Variants in TSC2 observed in about 807,000 individuals in gnomAD.
TSC2 encodes the protein tuberin.
Under a neutral mutation model 202.2 loss-of-function variants are expected in TSC2, and 29 were observed. The ratio of observed to expected loss-of-function variants is 0.14; its 90% CI spans 0.11 to 0.20. The LOEUF (loss-of-function observed/expected upper bound fraction) is 0.20, where lower values mean the gene tolerates loss of function less well. Ranked by LOEUF, TSC2 falls within the 10% of genes least tolerant of loss-of-function variation. The pLI is 1.00. For synonymous variants in TSC2, 1,349 were observed against 1,044.0 expected (o/e 1.29, Z -5.63); for missense variants, 2,429 against 2,420.0 (o/e 1.00, Z -0.08).
intron 4 of TSC2, chr16:2,054,054 C>A (rs368443882): frequency 3.4e-6 from 2 of 591,282 alleles, no homozygotes; most frequent in Admixed American, 5.9e-5. Context: ...CTGCGCCACC[C>A]GCTGTGCCAG....
chr16:2,086,073 C>G, intron 36 of TSC2, 120 bp from the exon 37 acceptor site: 1 of 1,191,552 alleles, frequency 8.4e-7, no homozygotes, highest in Non-Finnish European at 1.2e-6. Context: ...AATGGATGGT[C>G]TTGTCTGCCT....
In TSC2 at chr16:2,053,969, C is replaced by T. The variant is rs1360573782; in HGVS notation, c.337-327C>T. On this transcript the variant is annotated intron_variant, in intron 4 of 41. Transcript: ENST00000219476. ...GGGTTTCCCCCACTCAGGCCTTGTC[C>T]TCAGTCTCTGAGCACAAGGCTGTCT... 4 of 458,850 alleles carry T rather than the reference C, an allele frequency of 8.7e-6. No individual in the cohort carries two copies. The East Asian group carries it at 1.8e-4, about 20-fold the overall frequency. 28.4% of individuals were successfully genotyped at this position (458,850 alleles called of 1,614,324 possible). A position where few individuals can be genotyped will look rare whatever the true frequency, so the allele number is the denominator to read the frequency against.
chr16:2,048,034 G>A lies in TSC2; in HGVS notation c.-61G>A, dbSNP rs532385143. 1.5e-5 allele frequency: 22 copies of A among 1,433,686 alleles called. No homozygotes were observed. In the East Asian group the frequency reaches 4.6e-4, roughly 30 times the overall value. 88.8% of individuals were successfully genotyped at this position (1,433,686 alleles called of 1,614,324 possible). On this transcript the variant is annotated 5_prime_UTR_variant, in exon 1 of 42. Coordinates refer to ENST00000219476, the MANE Select transcript of TSC2 (RefSeq NM_000548.5). ...GGGGGGTGCGCCTTTCTCCGCGTCG[G>A]GGCGGCCCGGAGCGCGGTGGCGCGG...
chr16:2,072,314 T>C lies in TSC2; in HGVS notation c.2171T>C (p.Phe724Ser), dbSNP rs761458933. The C allele has an allele frequency of 1.9e-6, 3 of 1,614,012 alleles. No homozygotes were observed. In the Admixed American group the frequency reaches 5.0e-5, roughly 27 times the overall value. The change falls in exon 20 of 42, where the codon TTT (phenylalanine) becomes TCT (serine). Residue 724 changes from phenylalanine (F) to serine (S), a missense_variant. Transcript: ENST00000219476. ...TCCCTGCGCTATAAAGTGCTCATCTTTACTTCCCCTTGCAGTGTGGACCAG... is the reference window on the plus strand; with the variant it reads ...TCCCTGCGCTATAAAGTGCTCATCTCTACTTCCCCTTGCAGTGTGGACCAG... Reference protein sequence around the residue: ...PESLRYKVLIFTSPCSVDQLC... With the variant: ...PESLRYKVLISTSPCSVDQLC...
Position 2,079,706 on chromosome 16 carries a change from G to C in TSC2, c.3397+37G>C, listed in dbSNP as rs752242719. The C allele has an allele frequency of 6.5e-7, 1 of 1,541,342 alleles. No individual in the cohort carries two copies. The highest frequency in any genetic ancestry group is 8.8e-7 in the Non-Finnish European group (1 of 1,141,750). On this transcript the variant is annotated intron_variant, in intron 29 of 41. Transcript: ENST00000219476. This position sits in a 1 kb window ranked among gnomAD's most constrained non-coding sequence, Gnocchi z 4.6. The stretch of plus-strand genomic sequence containing the variant: ...CCCCAGCCACCTCCACACAGGCACC[G>C]GGGCTCCCTCAGTTGCTGCTGGTCC...
chr16:2,088,376 G>GGGGCGGGTGTGTGGGCA (rs1567132953), intron 41 of TSC2, 51 bp downstream of exon 41: 9 of 1,612,312 alleles, frequency 5.6e-6, no homozygotes, highest in Non-Finnish European at 7.6e-6. Context: ...CCCAAGCTGT[G>GGGGCGGGTGTGTGGGCA]GGGCGGGTGT....
intron 17 of TSC2, 67 bp downstream of exon 17, chr16:2,070,645 G>C (rs1005623265): frequency 6.8e-6 from 11 of 1,608,714 alleles, no homozygotes; most frequent in Non-Finnish European, 8.5e-6. Context: ...CTCGGCAGGT[G>C]TGGTTCCTGG....
At chr16:2,086,903 C>T in intron 38 of TSC2, 32 bp downstream of exon 38, 1 of 1,557,840 alleles carries the variant, frequency 6.4e-7, no homozygotes, top group South Asian at 1.2e-5. Context: ...AGGCTGGGCC[C>T]CAGGCAGGTG....
rs946381749 is a variant in TSC2 at position 2,079,586 on chromosome 16, C to T, written c.3314C>T (p.Thr1105Ile). Residue 1105 changes from threonine to isoleucine, a missense_variant, in exon 29 of 42, where the codon ACC becomes ATC. Physicochemically the swap from Thr to Ile is moderately conservative, Grantham distance 89. Transcript: ENST00000219476. The surrounding 1 kb of genome is among the most constrained non-coding windows in gnomAD (Gnocchi z 4.6). ...AGCCCCGGGGTGCATGTGAGACAGA[C>T]CAAGGAGGCGCCGGCCAAGCTGGAG... is the stretch of plus-strand genomic sequence containing the variant. The part of the protein sequence containing the change: ...SSSPGVHVRQ[T>I]KEAPAKLESQ... 1.2e-6 allele frequency: 2 copies of T among 1,611,642 alleles called. No individual in the cohort carries two copies. Among genetic ancestry groups the T allele is most frequent in the East Asian group, 2.2e-5 (1 of 44,810 alleles).
intron 38 of TSC2, 100 bp from the exon 39 acceptor site, chr16:2,087,763 A>T (rs2091024446): frequency 1.4e-6 from 2 of 1,410,874 alleles, no homozygotes; most frequent in African/African-American, 2.8e-5. Flanking sequence ...GATGCTGCCC[A>T]TGGAGCTGAC....
chr16:2,050,597 A>AATTT, intron 3 of TSC2, 111 bp downstream of exon 3: 2 of 703,286 alleles, frequency 2.8e-6, no homozygotes, highest in Non-Finnish European at 4.5e-6. Context: ...TCTGGTTTGC[A>AATTT]CTTTTTTTTT....
intron 15 of TSC2, 122 bp downstream of exon 15, chr16:2,064,549 C>A (rs1238481909): frequency 1.4e-5 from 21 of 1,476,120 alleles, no homozygotes; most frequent in Non-Finnish European, 1.8e-5. Flanking sequence ...AGGTGAGGCT[C>A]CCCTCCCTGC....
intron 3 of TSC2, 136 bp from the exon 4 acceptor site, chr16:2,053,206 G>A (rs1013470308): frequency 3.5e-6 from 3 of 853,702 alleles, no homozygotes; most frequent in East Asian, 5.3e-5. Context: ...CAGGAGATAC[G>A]AGCTTTGGAG....
chr16:2,074,573 G>A (rs1455508393), intron 22 of TSC2, 184 bp downstream of exon 22: 15 of 723,638 alleles, frequency 2.1e-5, no homozygotes, highest in South Asian at 4.9e-5. Flanking sequence ...TTTGAGGGGC[G>A]GCTCCTCTCA....
chr16:2,050,581 C>A, intron 3 of TSC2, 95 bp downstream of exon 3: 2 of 953,054 alleles, frequency 2.1e-6, no homozygotes, highest in East Asian at 2.5e-5. Flanking sequence ...AGCTGACTGC[C>A]GATGATCTGG....
rs150178524 is a variant in TSC2, at chr16:2,074,326, G to A, written c.2482G>A (p.Val828Met). The change falls in exon 22 of 42, where the codon GTG (valine) becomes ATG (methionine). Residue 828 changes from valine to methionine, a missense_variant. Transcript: ENST00000219476. ...IIIKALPVLVVKLTHISATAS... is the reference protein window; with the variant it reads ...IIIKALPVLVMKLTHISATAS... The stretch of plus-strand genomic sequence containing the variant: ...CATCAAGGCGCTGCCTGTTCTGGTG[G>A]TGAAGCTCACGCACATCTCAGCCAC... The A allele has an allele frequency of 4.3e-6, 7 of 1,612,982 alleles. No individual in the cohort carries two copies. Among genetic ancestry groups the A allele is most frequent in the African/African-American group, 1.3e-5 (1 of 75,058 alleles).
intron 38 of TSC2, chr16:2,087,297 C>T (rs61352015): frequency 1.4e-4 from 47 of 344,572 alleles, no homozygotes; most frequent in African/African-American, 9.8e-4. Context: ...CAGCACGGTC[C>T]GGGTGAGCCC....
intron 21 of TSC2, among the ~76,000 whole-genome samples, chr16:2,073,187 G>A (rs1383753746): frequency 3.9e-5 from 6 of 152,212 alleles, no homozygotes; most frequent in Non-Finnish European, 5.9e-5. Context: ...TGGGGCCTGG[G>A]AGCCATCCAG....
At chr16:2,050,771 T>C (rs1442512387) in intron 3 of TSC2, among the ~76,000 whole-genome samples, 2 of 151,896 alleles carry the variant, frequency 1.3e-5, no homozygotes, top group East Asian at 3.9e-4. Context: ...GTATTTTTAG[T>C]AGAGACGGGG....
Sources: allele counts gnomAD v4.1 joint callset (sites outside exome capture counted in the v4.1 genomes callset), GRCh38; gene constraint gnomAD v4.1.1; non-coding constraint Gnocchi (gnomAD v3.1); transcripts MANE v1.5; gene names NCBI Gene and HGNC (gene_info 2026-07-23, HGNC 2026-07-21).